PLCH1: variants seen among roughly 807,000 people sequenced by gnomAD.
PLCH1 encodes the protein 1-phosphatidylinositol 4,5-bisphosphate phosphodiesterase eta-1.
A neutral mutation model predicts 126.7 loss-of-function variants in PLCH1; 60 were observed. The observed-to-expected ratio is 0.47, with a 90% CI of 0.38 to 0.59. The LOEUF is 0.59. Among genes scored for constraint, PLCH1 ranks in the 20% least tolerant of loss-of-function variants. The probability of loss-of-function intolerance (pLI) is 0.00; values close to 1 mark genes in which losing one functional copy is unlikely to be tolerated. For synonymous variants in PLCH1, 719 were observed against 734.9 expected, an observed-to-expected ratio of 0.98 and a Z score of 0.35; for missense variants, 1,723 against 2,040.0, an observed-to-expected ratio of 0.84 and a Z score of 2.99.
intron 21 of PLCH1, among the ~76,000 whole-genome samples, chr3:155,465,985 A>C (rs2107977407): frequency 6.6e-6 from 1 of 152,326 alleles, no homozygotes; most frequent in East Asian, 1.9e-4. Flanking sequence ...AACACCGGAT[A>C]GATTTCTGAG....
chr3:155,519,702 C>G (rs1429577396), intron 11 of PLCH1, among the ~76,000 whole-genome samples: 1 of 150,134 alleles, frequency 6.7e-6, no homozygotes, highest in African/African-American at 2.5e-5. Context: ...TGAAAGCTAC[C>G]CATCATTCCA....
At chr3:155,467,664 A>T (rs1712983099) in intron 21 of PLCH1, among the ~76,000 whole-genome samples, 1 of 152,208 alleles carries the variant, frequency 6.6e-6, no homozygotes, top group African/African-American at 2.4e-5. Flanking sequence ...TTTCAGTGGA[A>T]ACCTCACAGT....
chr3:155,500,737 G>T lies in PLCH1; in HGVS notation c.1762C>A (p.Gln588Lys), dbSNP rs374808830. The T allele has an allele frequency of 6.2e-7, 1 of 1,613,464 alleles. No homozygotes were observed. The highest frequency in any genetic ancestry group is 8.5e-7 in the Non-Finnish European group (1 of 1,179,416). Residue 588 changes from glutamine (Q) to lysine (K), a missense_variant, in exon 14 of 23, where the codon CAG becomes AAG. Transcript: ENST00000460012. ...TGGCCACCCTCCTTGCCAGTACTCT[G>T]CTGTGTGTCTTCCTCATCATCAGTA... ...YSTDDEEDTQ[Q>K]STGKEGGQLY...
At chr3:155,738,177 A>G (rs957017251) in intron 1 of PLCH1, among the ~76,000 whole-genome samples, 4 of 152,202 alleles carry the variant, frequency 2.6e-5, no homozygotes, top group Non-Finnish European at 5.9e-5. Context: ...AAACCCAGAG[A>G]GCCCTCCAGG....
chr3:155,575,079 C>T (rs1729742898), intron 6 of PLCH1, among the ~76,000 whole-genome samples: 1 of 151,312 alleles, frequency 6.6e-6, no homozygotes, highest in Admixed American at 6.6e-5. Flanking sequence ...TGCAGTGAGC[C>T]GAGACAGCAC....
intron 9 of PLCH1, among the ~76,000 whole-genome samples, 174 bp from the exon 10 acceptor site, chr3:155,550,132 C>G (rs1725911716): frequency 6.6e-6 from 1 of 152,100 alleles, no homozygotes; most frequent in South Asian, 2.1e-4. Context: ...TTAAAAAATT[C>G]CTCTGAGCAA....
chr3:155,531,711 T>C (rs995391835), intron 10 of PLCH1, among the ~76,000 whole-genome samples: 7 of 152,240 alleles, frequency 4.6e-5, no homozygotes, highest in African/African-American at 1.7e-4. Flanking sequence ...CTGCAGCTTC[T>C]CCACCAACAC....
At chr3:155,599,824 A>G (rs1484477032) in intron 2 of PLCH1, among the ~76,000 whole-genome samples, 3 of 152,202 alleles carry the variant, frequency 2.0e-5, no homozygotes, top group African/African-American at 7.2e-5. Flanking sequence ...TTTGTTCACA[A>G]TCCCTTTCTT....
At chr3:155,605,666 C>G (rs1734263233) in intron 2 of PLCH1, among the ~76,000 whole-genome samples, 1 of 152,222 alleles carries the variant, frequency 6.6e-6, no homozygotes, top group South Asian at 2.1e-4. Context: ...CATGCTACAG[C>G]TCGGTAGCAA....
At chr3:155,570,770 A>G (rs1729100751) in intron 6 of PLCH1, among the ~76,000 whole-genome samples, 1 of 152,206 alleles carries the variant, frequency 6.6e-6, no homozygotes, top group Non-Finnish European at 1.5e-5. Context: ...TTCTTGTATA[A>G]CTATTCTCTG....
chr3:155,495,847 A>G (rs575187571), intron 15 of PLCH1, among the ~76,000 whole-genome samples: 82 of 152,312 alleles, frequency 5.4e-4, no homozygotes, highest in African/African-American at 1.5e-3. Context: ...ATGTTCATAT[A>G]TTTTTTATTG....
At chr3:155,499,601 T>C (rs892000828) in intron 14 of PLCH1, among the ~76,000 whole-genome samples, 2 of 152,204 alleles carry the variant, frequency 1.3e-5, no homozygotes, top group Non-Finnish European at 2.9e-5. Context: ...AAATCTATAG[T>C]TGACACTAAG....
At chr3:155,727,701 CT>C (rs960390143) in intron 1 of PLCH1, among the ~76,000 whole-genome samples, 2 of 152,066 alleles carry the variant, frequency 1.3e-5, no homozygotes, top group Admixed American at 6.6e-5. Flanking sequence ...TGTATGAAAT[CT>C]TTAAACCAAA....
At chr3:155,702,141 T>TCTGTATTCCACAGACAGTA (rs1364649552) in intron 2 of PLCH1, among the ~76,000 whole-genome samples, 1 of 152,174 alleles carries the variant, frequency 6.6e-6, no homozygotes, top group African/African-American at 2.4e-5. Context: ...ACAGTAATTG[T>TCTGTATTCCACAGACAGTA]AATTCTCAGA....
At chr3:155,614,589 T>C (rs913663405) in intron 2 of PLCH1, among the ~76,000 whole-genome samples, 1 of 152,122 alleles carries the variant, frequency 6.6e-6, no homozygotes, top group Admixed American at 6.5e-5. Context: ...AATAGGCACA[T>C]AGACCAATGG....
chr3:155,486,345 T>A, intron 21 of PLCH1: 2 of 601,024 alleles, frequency 3.3e-6, no homozygotes, highest in Non-Finnish European at 5.8e-6. Context: ...AGTCTTATGC[T>A]CATTCATTGT....
chr3:155,567,727 T>C (rs1209716061), intron 7 of PLCH1, among the ~76,000 whole-genome samples: 3 of 152,216 alleles, frequency 2.0e-5, no homozygotes. Flanking sequence ...GGCAAATTAT[T>C]TAACTTATTT....
rs751799921 is a variant in PLCH1 at position 155,481,143 on chromosome 3, G to C, written c.4883C>G (p.Ala1628Gly). Residue 1628 changes from alanine to glycine, a missense_variant, in exon 23 of 23, where the codon GCA (alanine) becomes GGA (glycine). Ala to Gly is a moderately conservative substitution (Grantham distance 60). Around this residue, in one of 2 missense-constraint regions of PLCH1, gnomAD observed 947 missense variants for 977.1 expected, o/e 0.97. Transcript: ENST00000460012. The surrounding 1 kb of genome is among the most constrained non-coding windows in gnomAD (Gnocchi z 4.2). ...CCCTTTCGTGTTCTTCAGGTAGCCT[G>C]CGATGTAGGAGCCGGTGGAGTGGCG... ...VNRHSTGSYI[A>G]GYLKNTKGGG... The C allele has an allele frequency of 1.2e-6, 2 of 1,614,254 alleles. No individual in the cohort carries two copies. Among genetic ancestry groups the C allele is most frequent in the South Asian group, 2.2e-5 (2 of 91,090 alleles).
chr3:155,743,438 A>C (rs1443935679), intron 1 of PLCH1: 1 of 399,502 alleles, frequency 2.5e-6, no homozygotes, highest in African/African-American at 2.1e-5. Flanking sequence ...AGGCTGAGGC[A>C]AGAGAATAGC....
Sources: allele counts gnomAD v4.1 joint callset (sites outside exome capture counted in the v4.1 genomes callset), GRCh38; gene constraint gnomAD v4.1.1; regional missense constraint gnomAD v4.1.1; non-coding constraint Gnocchi (gnomAD v3.1); transcripts MANE v1.5; gene names NCBI Gene and HGNC (gene_info 2026-07-23, HGNC 2026-07-21).